Variants in VGLL4 observed in about 807,000 individuals in gnomAD.
VGLL4 encodes transcription cofactor vestigial-like protein 4.
In VGLL4, 7 loss-of-function variants were observed where a neutral mutation model predicts 21.0. The ratio of observed to expected loss-of-function variants is 0.33; its 90% CI spans 0.19 to 0.63. The LOEUF (loss-of-function observed/expected upper bound fraction) is 0.63, where lower values mean the gene tolerates loss of function less well. VGLL4 is among the 20% of genes least tolerant of loss of function. The pLI is 0.78. For missense variants in VGLL4, 394 were observed against 425.7 expected (o/e 0.93, Z 0.66); for synonymous variants, 222 against 173.2 (o/e 1.28, Z -2.21).
Position 11,639,540 on chromosome 3 carries a change from G to A in VGLL4, c.82+3897C>T, listed in dbSNP as rs993425136. On this transcript the variant is annotated intron_variant, in intron 1 of 4. Transcript: ENST00000430365. ...GCTAGGCCGTGAGGGCACCCAGGAC[G>A]GGGCATGACCCTAACATCACGGAGC... Among the ~76,000 whole-genome samples, 8 of 152,364 alleles carry A rather than the reference G, an allele frequency of 5.3e-5. No homozygotes were observed. The East Asian group carries it at 9.6e-4, about 18-fold the overall frequency.
At chr3:11,666,936 C>T (rs1388724734) in intron 2 of VGLL4, among the ~76,000 whole-genome samples, 5 of 152,214 alleles carry the variant, frequency 3.3e-5, no homozygotes, top group Admixed American at 6.5e-5. Flanking sequence ...TCCCCCTCTC[C>T]AGCCTCCTTC....
chr3:11,678,281 C>T (rs2076322993), intron 2 of VGLL4, among the ~76,000 whole-genome samples: 2 of 152,162 alleles, frequency 1.3e-5, no homozygotes, highest in Admixed American at 1.3e-4. Context: ...GTCTCAAACT[C>T]CTGACCTAAA....
At chr3:11,616,174 G>C in intron 1 of VGLL4, among the ~76,000 whole-genome samples, 1 of 151,758 alleles carries the variant, frequency 6.6e-6, no homozygotes, top group East Asian at 1.9e-4. Context: ...CTGCTCCTGA[G>C]GTGTGGTCTG....
At chr3:11,713,024 C>T (rs73128850) in intron 1 of VGLL4, among the ~76,000 whole-genome samples, 7,316 of 152,224 alleles carry the variant, frequency 0.048, 585 homozygotes, top group African/African-American at 0.17. Context: ...ACTACCAAGA[C>T]ATAGCGATTT....
chr3:11,616,120 T>C (rs1211096007), intron 1 of VGLL4, among the ~76,000 whole-genome samples: 1 of 151,986 alleles, frequency 6.6e-6, no homozygotes, highest in Non-Finnish European at 1.5e-5. Context: ...TCTCCAGCCT[T>C]ACCCATCTCT....
chr3:11,592,410 C>T (rs2074521284), intron 2 of VGLL4, among the ~76,000 whole-genome samples: 1 of 152,190 alleles, frequency 6.6e-6, no homozygotes, highest in Admixed American at 6.5e-5. Context: ...ACAGCACTCC[C>T]CCTTCCACAA....
At chr3:11,669,636 C>G (rs1258771025) in intron 2 of VGLL4, among the ~76,000 whole-genome samples, 1 of 151,984 alleles carries the variant, frequency 6.6e-6, no homozygotes, top group Non-Finnish European at 1.5e-5. Context: ...GTGACAGCCT[C>G]ACTGTAATAT....
intron 2 of VGLL4, among the ~76,000 whole-genome samples, chr3:11,678,834 C>A (rs1180119381): frequency 6.6e-6 from 1 of 152,180 alleles, no homozygotes; most frequent in Admixed American, 6.5e-5. Flanking sequence ...TCATGCCCTG[C>A]ATAATGACGT....
At chr3:11,657,089 C>A (rs1295983342) in intron 2 of VGLL4, among the ~76,000 whole-genome samples, 1 of 152,170 alleles carries the variant, frequency 6.6e-6, no homozygotes, top group Non-Finnish European at 1.5e-5. Flanking sequence ...GATACAGAGT[C>A]AGAAAAATCC....
chr3:11,662,868 T>C (rs1334185064), intron 2 of VGLL4, among the ~76,000 whole-genome samples: 2 of 152,102 alleles, frequency 1.3e-5, no homozygotes, highest in Non-Finnish European at 2.9e-5. Context: ...TAAACAACAG[T>C]GATTACCTCA....
At chr3:11,581,078 TA>T (rs78523823) in intron 2 of VGLL4, among the ~76,000 whole-genome samples, 285 of 146,998 alleles carry the variant, frequency 1.9e-3, no homozygotes, top group African/African-American at 6.1e-3. Flanking sequence ...TTTTTTTTTT[TA>T]AAAAAAAAGA....
intron 3 of VGLL4, among the ~76,000 whole-genome samples, chr3:11,563,403 G>A (rs776022339): frequency 6.6e-6 from 1 of 152,254 alleles, no homozygotes; most frequent in Non-Finnish European, 1.5e-5. Context: ...GGGGAGCAGT[G>A]AGCGGGTCCC....
At chr3:11,595,163 A>AACAG (rs1472763235) in intron 2 of VGLL4, among the ~76,000 whole-genome samples, 8 of 114,384 alleles carry the variant, frequency 7.0e-5, no homozygotes, top group African/African-American at 3.3e-4. Flanking sequence ...CTCCATCTCA[A>AACAG]ACAAACAAAC....
chr3:11,584,509 C>T (rs1282954932), intron 2 of VGLL4, among the ~76,000 whole-genome samples: 1 of 152,092 alleles, frequency 6.6e-6, no homozygotes, highest in Non-Finnish European at 1.5e-5. Context: ...TAGAGTGAAG[C>T]TGGCAGAACA....
chr3:11,593,213 C>G (rs565612926), intron 2 of VGLL4, among the ~76,000 whole-genome samples: 1 of 152,256 alleles, frequency 6.6e-6, no homozygotes, highest in East Asian at 1.9e-4. Flanking sequence ...CCATATACAT[C>G]CAAACTAAAG....
chr3:11,702,455 CAAAAAAAAAAA>C (rs56189603), intron 2 of VGLL4, among the ~76,000 whole-genome samples: 3 of 96,170 alleles, frequency 3.1e-5, no homozygotes, highest in African/African-American at 1.3e-4. Flanking sequence ...ACTAAAAATA[CAAAAAAAAAAA>C]AAAAAAAAAA....
At chr3:11,655,768 C>T (rs907744420) in intron 2 of VGLL4, among the ~76,000 whole-genome samples, 2 of 152,128 alleles carry the variant, frequency 1.3e-5, no homozygotes, top group African/African-American at 2.4e-5. Context: ...TCTAGTGACT[C>T]GTCTCACTGC....
intron 2 of VGLL4, among the ~76,000 whole-genome samples, chr3:11,665,153 A>G (rs1254050265): frequency 2.7e-5 from 3 of 111,658 alleles, no homozygotes; most frequent in East Asian, 5.4e-4. Flanking sequence ...TCGCTCTGTC[A>G]CCCAGGCTGC....
chr3:11,563,226 A>G (rs549656324), intron 3 of VGLL4, among the ~76,000 whole-genome samples: 1 of 152,294 alleles, frequency 6.6e-6, no homozygotes, highest in East Asian at 1.9e-4. Flanking sequence ...GTGCTCCGAG[A>G]TTACAGCTGA....
Sources: gnomAD v4.1 joint callset for allele counts (sites outside exome capture counted in the v4.1 genomes callset) on GRCh38, gnomAD v4.1.1 for gene constraint, MANE v1.5 for transcripts, NCBI Gene and HGNC (gene_info 2026-07-23, HGNC 2026-07-21) for gene names.